Variants in FAM111A observed in about 807,000 individuals in gnomAD.
The protein encoded by FAM111A is serine protease FAM111A.
In FAM111A, 8 loss-of-function variants were observed where a neutral mutation model predicts 3.3. The ratio of observed to expected loss-of-function variants is 2.39; its 90% CI spans 1.40 to 4.32. The LOEUF is 4.32. Ranked by LOEUF, FAM111A falls within the 30% of genes most tolerant of loss-of-function variation. The pLI, the probability that FAM111A is intolerant of heterozygous loss-of-function variation, is 0.00. For missense variants in FAM111A, 683 were observed against 727.6 expected, an observed-to-expected ratio of 0.94 and a Z score of 0.71; for synonymous variants, 227 against 243.1, an observed-to-expected ratio of 0.93 and a Z score of 0.62.
In FAM111A at chr11:59,153,494, AG is replaced by A. The variant is rs778664987; in HGVS notation, c.1828del (p.Asp610ThrfsTer10). ...NQQDVEMMSD[E>X]DL ...CAGGATGTAGAAATGATGAGTGATG[AG>A]GACTTGTGAGAATTCAGTCTACTGG... On this transcript the variant is annotated frameshift_variant, in exon 6 of 6. Coordinates refer to ENST00000675163, the MANE Select transcript of FAM111A (RefSeq NM_001312909.2). LOFTEE classifies it high-confidence loss of function. 1 of 1,598,166 alleles carries A rather than the reference AG, an allele frequency of 6.3e-7. No individual in the cohort carries two copies. Among genetic ancestry groups the A allele is most frequent in the Non-Finnish European group, 8.5e-7 (1 of 1,172,398 alleles).
rs1161639007 is a variant in FAM111A at position 59,153,431 on chromosome 11, G to T, written c.1763G>T (p.Arg588Ile). ...TCCATCCTCCTTGATATTAAGCAAAGACATAAACCATGGTATGAAGAAGTA... is the reference window on the plus strand; with the variant it reads ...TCCATCCTCCTTGATATTAAGCAAATACATAAACCATGGTATGAAGAAGTA... ...MESILLDIKQ[R>I]HKPWYEEVFV... Residue 588 changes from arginine to isoleucine, a missense_variant, in exon 6 of 6, where the codon AGA (arginine) becomes ATA (isoleucine). Transcript: ENST00000675163. The T allele has an allele frequency of 1.9e-6, 3 of 1,613,898 alleles. No homozygotes were observed.
At chr11:59,144,205 C>G (rs1433071875) in intron 3 of FAM111A, 1 of 152,250 alleles carries the variant, frequency 6.6e-6, no homozygotes, top group African/African-American at 2.4e-5. Context: ...ATTTGACATT[C>G]TTGGAGGCTC....
chr11:59,150,353 C>T (rs1861492518), intron 5 of FAM111A, among the ~76,000 whole-genome samples: 1 of 152,050 alleles, frequency 6.6e-6, no homozygotes. Flanking sequence ...CAAATGTTAA[C>T]ATATTATGTG....
chr11:59,149,128 G>T, intron 5 of FAM111A, 175 bp downstream of exon 5: 1 of 575,170 alleles, frequency 1.7e-6, no homozygotes, highest in South Asian at 2.2e-5. Context: ...AATCATCTCT[G>T]GATTATTTGT....
chr11:59,148,629 A>T (rs193142998), intron 4 of FAM111A, 168 bp from the exon 5 acceptor site: 16 of 466,706 alleles, frequency 3.4e-5, no homozygotes, highest in African/African-American at 2.8e-4. Context: ...AGTGCCTGAC[A>T]CGCAGTGTTC....
chr11:59,153,495 G>A lies in FAM111A; in HGVS notation c.1827G>A (p.Glu609=), dbSNP rs145155743. 14 of 1,597,540 alleles carry A rather than the reference G, an allele frequency of 8.8e-6. No homozygotes were observed. Among genetic ancestry groups the A allele is most frequent in the Non-Finnish European group, 1.7e-6 (2 of 1,172,262 alleles). ...AGGATGTAGAAATGATGAGTGATGA[G>A]GACTTGTGAGAATTCAGTCTACTGG... ...NQQDVEMMSD[E]DL is the part of the protein sequence containing the mutation. The change falls in exon 6 of 6, where the codon GAG becomes GAA. Residue 609 remains glutamate, a synonymous_variant. Transcript: ENST00000675163.
Position 59,151,923 on chromosome 11 carries a change from C to A in FAM111A, c.255C>A (p.Asn85Lys), listed in dbSNP as rs760600745. ...CAATATATGTTACCTTGAAGGTAAA[C>A]CACAGGAGAAACCAAGATATGAAAC... Reference protein sequence around the residue: ...NRTIYVTLKVNHRRNQDMKLK... With the variant: ...NRTIYVTLKVKHRRNQDMKLK... The change falls in exon 6 of 6, where the codon AAC becomes AAA. Residue 85 changes from asparagine to lysine, a missense_variant. By Grantham distance (94) the Asn-to-Lys change is moderately conservative. This residue lies in a region of FAM111A where 557 missense variants were observed against 600.2 expected (regional missense o/e 0.93). Transcript: ENST00000675163. 6.2e-7 allele frequency: 1 copy of A among 1,614,038 alleles called. No individual in the cohort carries two copies. Among genetic ancestry groups the A allele is most frequent in the South Asian group, 1.1e-5 (1 of 91,074 alleles).
chr11:59,144,850 A>C (rs75631045), intron 3 of FAM111A: 7,174 of 152,444 alleles, frequency 0.047, 453 homozygotes, highest in East Asian at 0.15. Flanking sequence ...ACGAGCGGGA[A>C]CTGCGTTGAG....
chr11:59,148,709 A>G, intron 4 of FAM111A, 88 bp from the exon 5 acceptor site: 1 of 576,080 alleles, frequency 1.7e-6, no homozygotes, highest in Non-Finnish European at 3.2e-6. Flanking sequence ...CTAAGGTACC[A>G]TCTCCAGGGA....
Position 59,153,748 on chromosome 11 carries a change from C to A in FAM111A, c.*244C>A, listed in dbSNP as rs1251044253. 3 of 332,992 alleles carry A rather than the reference C, an allele frequency of 9.0e-6. No individual in the cohort carries two copies. The highest frequency in any genetic ancestry group is 1.6e-5 in the Non-Finnish European group (3 of 183,450). The allele number at this position is 332,992 out of a possible 1,614,324, so 20.6% of individuals were successfully genotyped here. Reference sequence around the variant, plus strand: ...ACTGAGTCTCACTCTGTCGCCTGGGCTGGAGTACAGTGGTGCGATCTCAGC... The same window carrying A: ...ACTGAGTCTCACTCTGTCGCCTGGGATGGAGTACAGTGGTGCGATCTCAGC... On this transcript the variant is annotated 3_prime_UTR_variant, in exon 6 of 6. Coordinates refer to ENST00000675163, the MANE Select transcript of FAM111A (RefSeq NM_001312909.2).
In FAM111A at chr11:59,152,969, A is replaced by G. The variant is rs776357022; in HGVS notation, c.1301A>G (p.His434Arg). 1.1e-5 allele frequency: 18 copies of G among 1,614,102 alleles called. No homozygotes were observed. Among genetic ancestry groups the G allele is most frequent in the Admixed American group, 1.7e-5 (1 of 60,016 alleles). ...YFFVEPWFEI[H>R]NEELDYAVLK... ...TTTGTTGAACCTTGGTTTGAGATAC[A>G]TAATGAAGAGCTTGACTATGCTGTC... The change falls in exon 6 of 6, where the codon CAT becomes CGT. Residue 434 changes from histidine (H) to arginine (R), a missense_variant. Around this residue, in one of 3 missense-constraint regions of FAM111A, gnomAD observed 557 missense variants for 600.2 expected, o/e 0.93. Coordinates refer to ENST00000675163, the MANE Select transcript of FAM111A (RefSeq NM_001312909.2).
At chr11:59,146,062 T>TTGTG (rs146138494) in intron 4 of FAM111A, among the ~76,000 whole-genome samples, 9 of 150,140 alleles carry the variant, frequency 6.0e-5, no homozygotes, top group African/African-American at 2.0e-4. Flanking sequence ...TATATATATA[T>TTGTG]TGTGTGTGTG....
rs1035937903 is a variant in FAM111A at position 59,149,931 on chromosome 11, A to C, written c.81+978A>C. ...TCCCTGAGTCTAAAATTCTCCTTGAATTTATCAAGAAAAAAGTTGAGGAAT... is the reference window on the plus strand; with the variant it reads ...TCCCTGAGTCTAAAATTCTCCTTGACTTTATCAAGAAAAAAGTTGAGGAAT... On this transcript the variant is annotated intron_variant, in intron 5 of 5. Transcript: ENST00000675163. 3.3e-5 allele frequency among the ~76,000 whole-genome samples: 5 copies of C among 152,172 alleles called. No homozygotes were observed. In the East Asian group the frequency reaches 7.7e-4, roughly 23 times the overall value.
chr11:59,150,551 T>G (rs1861519854), intron 5 of FAM111A, among the ~76,000 whole-genome samples: 1 of 152,212 alleles, frequency 6.6e-6, no homozygotes, highest in Admixed American at 6.5e-5. Flanking sequence ...ACAGACACTC[T>G]AATTTTTCAC....
intron 4 of FAM111A, among the ~76,000 whole-genome samples, chr11:59,146,349 G>T (rs1237423944): frequency 6.6e-6 from 1 of 152,178 alleles, no homozygotes; most frequent in Non-Finnish European, 1.5e-5. Flanking sequence ...CTCCCAAAGT[G>T]CTGAGATTAC....
Position 59,153,605 on chromosome 11 carries a change from A to G in FAM111A, c.*101A>G. ...CTCCAAAATGGTCATCTTATCAATA[A>G]TAATAATATTGACCATTTCCTATCT... On this transcript the variant is annotated 3_prime_UTR_variant, in exon 6 of 6. Coordinates refer to ENST00000675163, the MANE Select transcript of FAM111A (RefSeq NM_001312909.2). The G allele has an allele frequency of 1.2e-6, 1 of 836,168 alleles. No homozygotes were observed. The highest frequency in any genetic ancestry group is 1.9e-6 in the Non-Finnish European group (1 of 538,818). 51.8% of individuals were successfully genotyped at this position (836,168 alleles called of 1,614,324 possible). A position where few individuals can be genotyped will look rare whatever the true frequency, so the allele number is the denominator to read the frequency against.
At position 59,152,985 on chromosome 11, in the gene FAM111A, C is replaced by T; in HGVS notation, c.1317C>T (p.Asp439=). The change falls in exon 6 of 6, where the codon GAC becomes GAT. Residue 439 remains aspartate, a synonymous_variant. Coordinates refer to ENST00000675163, the MANE Select transcript of FAM111A (RefSeq NM_001312909.2). The part of the protein sequence containing the change: ...PWFEIHNEEL[D]YAVLKLKENG... ...TTGAGATACATAATGAAGAGCTTGA[C>T]TATGCTGTCCTGAAACTGAAGGAAA... 6.2e-7 allele frequency: 1 copy of T among 1,614,104 alleles called. No homozygotes were observed. The highest frequency in any genetic ancestry group is 8.5e-7 in the Non-Finnish European group (1 of 1,180,024).
chr11:59,152,553 A>T lies in FAM111A; in HGVS notation c.885A>T (p.Gln295His). The T allele has an allele frequency of 6.2e-7, 1 of 1,614,158 alleles. No homozygotes were observed. Among genetic ancestry groups the T allele is most frequent in the Non-Finnish European group, 8.5e-7 (1 of 1,180,028 alleles). Residue 295 changes from glutamine (Q) to histidine (H), a missense_variant, in exon 6 of 6, where the codon CAA becomes CAT. Gln to His is a conservative substitution (Grantham distance 24). Coordinates refer to ENST00000675163, the MANE Select transcript of FAM111A (RefSeq NM_001312909.2). ...EKRNTCVLREQIVAQYPSLKR... is the reference protein window; with the variant it reads ...EKRNTCVLREHIVAQYPSLKR... ...GAAACACCTGTGTGTTGAGAGAACA[A>T]ATCGTGGCTCAGTACCCCAGTTTGA...
rs779480402 is a variant in FAM111A, at chr11:59,153,441, A to G, written c.1773A>G (p.Pro591=). ...TTGATATTAAGCAAAGACATAAACC[A>G]TGGTATGAAGAAGTATTTGTAAATC... ...ILLDIKQRHK[P]WYEEVFVNQQ... Residue 591 remains proline (P), a synonymous_variant, in exon 6 of 6, where the codon CCA becomes CCG. Coordinates refer to ENST00000675163, the MANE Select transcript of FAM111A (RefSeq NM_001312909.2). 11 of 1,613,452 alleles carry G rather than the reference A, an allele frequency of 6.8e-6. No homozygotes were observed. The highest frequency in any genetic ancestry group is 2.2e-5 in the East Asian group (1 of 44,902).
Sources: allele counts gnomAD v4.1 joint callset (sites outside exome capture counted in the v4.1 genomes callset), GRCh38; gene constraint gnomAD v4.1.1; regional missense constraint gnomAD v4.1.1; transcripts MANE v1.5; gene names NCBI Gene and HGNC (gene_info 2026-07-23, HGNC 2026-07-21).